The following CABIN1 variants were observed in gnomAD, a reference collection of about 807,000 sequenced individuals.
The protein encoded by CABIN1 is calcineurin binding protein 1, also known as calcineurin-binding protein cabin-1.
CABIN1 carries 133 observed loss-of-function variants against 227.7 expected under a neutral mutation model. That is an observed-to-expected ratio of 0.58 (90% CI 0.51 to 0.67). The LOEUF is 0.67. Among genes scored for constraint, CABIN1 ranks in the 30% least tolerant of loss-of-function variants. The probability of loss-of-function intolerance (pLI) is 0.00; values close to 1 mark genes in which losing one functional copy is unlikely to be tolerated. For missense variants in CABIN1, 2,408 were observed against 2,852.5 expected (o/e 0.84, Z 3.55); for synonymous variants, 1,086 against 1,155.1 (o/e 0.94, Z 1.21).
intron 28 of CABIN1, among the ~76,000 whole-genome samples, chr22:24,127,761 T>C (rs1052889736): frequency 3.3e-5 from 5 of 152,182 alleles, no homozygotes; most frequent in Admixed American, 3.3e-4. Context: ...TTCTCTAATG[T>C]TGTGAATCAG....
chr22:24,038,399 G>T lies in CABIN1; in HGVS notation c.148G>T (p.Asp50Tyr). The T allele has an allele frequency of 1.2e-6, 2 of 1,614,058 alleles. No homozygotes were observed. The highest frequency in any genetic ancestry group is 2.2e-5 in the South Asian group (2 of 90,984). ...CAAGGCCCTTGATCTGCAGAAACAT[G>T]ACCGGTTTGAGGAGTCTGCCAAAGC... ...YHKALDLQKH[D>Y]RFEESAKAYH... Residue 50 changes from aspartate to tyrosine, a missense_variant, in exon 4 of 37, where the codon GAC (aspartate) becomes TAC (tyrosine). Physicochemically the swap from Asp to Tyr is radical, Grantham distance 160 (BLOSUM62 -3). Coordinates refer to ENST00000263119, the MANE Select transcript of CABIN1 (RefSeq NM_012295.4).
intron 1 of CABIN1, among the ~76,000 whole-genome samples, chr22:24,024,994 A>T (rs1194911485): frequency 1.3e-5 from 2 of 152,114 alleles, no homozygotes; most frequent in Admixed American, 6.5e-5. Context: ...TAGTAATTTC[A>T]GTGTCTGGTC....
rs2039226228 is a variant in CABIN1 at position 24,061,975 on chromosome 22, T to C, written c.1646T>C (p.Met549Thr). Residue 549 changes from methionine to threonine, a missense_variant, in exon 13 of 37, where the codon ATG (methionine) becomes ACG (threonine). Transcript: ENST00000263119. ...KDMMLMSLSC[M>T]ELQLDQWLLT... The stretch of plus-strand genomic sequence containing the variant: ...ATGATGCTGATGTCTCTCTCCTGCA[T>C]GGAACTCCAGCTGGACCAGTGGCTG... The C allele has an allele frequency of 6.2e-7, 1 of 1,613,994 alleles. No individual in the cohort carries two copies. Among genetic ancestry groups the C allele is most frequent in the South Asian group, 1.1e-5 (1 of 91,094 alleles).
intron 29 of CABIN1, among the ~76,000 whole-genome samples, chr22:24,154,419 C>A (rs1297638695): frequency 1.3e-5 from 2 of 152,096 alleles, no homozygotes; most frequent in African/African-American, 4.8e-5. Flanking sequence ...TGAACCTGTC[C>A]CTATGTGTGT....
rs2047210864 is a variant in CABIN1, at chr22:24,177,965, G to A, written c.6520-88G>A. The A allele has an allele frequency of 6.3e-7, 1 of 1,595,430 alleles. No individual in the cohort carries two copies. The highest frequency in any genetic ancestry group is 1.1e-5 in the South Asian group (1 of 90,052). ...TGGGGCAGGGGTGAGGGTGGGAGGG[G>A]GGCCTGGGGCAGGGGTGAAGGTGGC... is the stretch of plus-strand genomic sequence containing the variant. On this transcript the variant is annotated intron_variant, in intron 36 of 36. Coordinates refer to ENST00000263119, the MANE Select transcript of CABIN1 (RefSeq NM_012295.4). The surrounding 1 kb of genome is among the most constrained non-coding windows in gnomAD (Gnocchi z 4.4).
intron 12 of CABIN1, among the ~76,000 whole-genome samples, 188 bp from the exon 13 acceptor site, chr22:24,061,759 C>T (rs2039210019): frequency 6.6e-6 from 1 of 152,256 alleles, no homozygotes; most frequent in Admixed American, 6.5e-5. Context: ...TCCCAACATA[C>T]ATCCATGTGG....
rs746161079 is a variant in CABIN1 at position 24,049,206 on chromosome 22, A to T, written c.642A>T (p.Arg214Ser). ...CTTGTCTCCGGAAGGACTCTCTCAGAATGTTCCTCAAATGGTAAGTCCTGC... is the reference window on the plus strand; with the variant it reads ...CTTGTCTCCGGAAGGACTCTCTCAGTATGTTCCTCAAATGGTAAGTCCTGC... ...EQPCLRKDSL[R>S]MFLKCDMSIH... The change falls in exon 7 of 37, where the codon AGA becomes AGT. Residue 214 changes from arginine to serine, a missense_variant. Transcript: ENST00000263119. The T allele has an allele frequency of 1.2e-6, 2 of 1,613,830 alleles. No individual in the cohort carries two copies. The highest frequency in any genetic ancestry group is 1.1e-5 in the South Asian group (1 of 91,032).
intron 23 of CABIN1, among the ~76,000 whole-genome samples, chr22:24,090,842 C>G (rs1327423909): frequency 6.6e-6 from 1 of 152,114 alleles, no homozygotes; most frequent in Non-Finnish European, 1.5e-5. Context: ...CTGGGCTGCT[C>G]AGAGCAGCTC....
At chr22:24,027,397 T>C (rs1007892810) in intron 1 of CABIN1, among the ~76,000 whole-genome samples, 2 of 152,254 alleles carry the variant, frequency 1.3e-5, no homozygotes, top group African/African-American at 4.8e-5. Flanking sequence ...TAGCTAGGGC[T>C]TCCAGTATAT....
At chr22:24,136,084 C>T (rs2044377073) in intron 29 of CABIN1, among the ~76,000 whole-genome samples, 1 of 152,200 alleles carries the variant, frequency 6.6e-6, no homozygotes, top group African/African-American at 2.4e-5. Flanking sequence ...CATGCCCAGG[C>T]CACAGCCACC....
intron 4 of CABIN1, among the ~76,000 whole-genome samples, chr22:24,039,006 C>T (rs2037145848): frequency 1.3e-5 from 2 of 152,184 alleles, no homozygotes; most frequent in Admixed American, 1.3e-4. Context: ...GCAGGCAGAG[C>T]AAGACCTGGT....
chr22:24,086,575 T>G (rs951834379), intron 22 of CABIN1, among the ~76,000 whole-genome samples: 2 of 152,248 alleles, frequency 1.3e-5, no homozygotes, highest in Non-Finnish European at 2.9e-5. Context: ...GACTTGGTGC[T>G]TAGTCTGCTC....
chr22:24,037,031 G>A (rs1159045321), intron 3 of CABIN1, among the ~76,000 whole-genome samples: 1 of 152,098 alleles, frequency 6.6e-6, no homozygotes, highest in African/African-American at 2.4e-5. Flanking sequence ...AGGCTGAGGT[G>A]AGTGGATCAC....
chr22:24,083,065 A>C (rs1317689767), intron 19 of CABIN1, among the ~76,000 whole-genome samples, 163 bp from the exon 20 acceptor site: 1 of 152,220 alleles, frequency 6.6e-6, no homozygotes, highest in Non-Finnish European at 1.5e-5. Flanking sequence ...AGACTTTTCC[A>C]GGAAACAGGT....
chr22:24,172,405 A>G (rs1466528517), intron 34 of CABIN1, among the ~76,000 whole-genome samples: 1 of 152,174 alleles, frequency 6.6e-6, no homozygotes, highest in Non-Finnish European at 1.5e-5. Flanking sequence ...CCTGACCTTC[A>G]GCATGCTGCA....
At chr22:24,029,045 C>A (rs2036302356) in intron 1 of CABIN1, among the ~76,000 whole-genome samples, 1 of 152,204 alleles carries the variant, frequency 6.6e-6, no homozygotes, top group East Asian at 1.9e-4. Flanking sequence ...AGGAAAAATT[C>A]TTGCAGGTAC....
intron 21 of CABIN1, 23 bp downstream of exon 21, chr22:24,084,808 G>A (rs572670421): frequency 2.9e-5 from 47 of 1,610,210 alleles, no homozygotes; most frequent in Non-Finnish European, 3.5e-5. Flanking sequence ...CCTTGAGGAC[G>A]TGGGGGACAG....
chr22:24,046,500 T>C (rs1028807605), intron 6 of CABIN1, among the ~76,000 whole-genome samples: 10 of 152,154 alleles, frequency 6.6e-5, no homozygotes, highest in African/African-American at 2.2e-4. Context: ...TGGGACCATC[T>C]TTGGGGTTCA....
At chr22:24,072,242 G>T in intron 17 of CABIN1, 112 bp from the exon 18 acceptor site, 1 of 1,049,860 alleles carries the variant, frequency 9.5e-7, no homozygotes, top group East Asian at 2.6e-5. Flanking sequence ...AGCAGTGGGG[G>T]TGGGCAGGCA....
Sources: gnomAD v4.1 joint callset for allele counts (sites outside exome capture counted in the v4.1 genomes callset) on GRCh38, gnomAD v4.1.1 for gene constraint, Gnocchi (gnomAD v3.1) non-coding constraint, MANE v1.5 for transcripts, NCBI Gene and HGNC (gene_info 2026-07-23, HGNC 2026-07-21) for gene names.